Variants in LYZL1 observed in about 807,000 individuals in gnomAD.
The protein encoded by LYZL1 is lysozyme like 1.
LYZL1 carries 16 observed loss-of-function variants against 17.9 expected under a neutral mutation model. The observed-to-expected ratio is 0.90, with a 90% confidence interval of 0.61 to 1.36. LYZL1 has a LOEUF of 1.36. LYZL1 is among the 40% of genes most tolerant of loss of function. The pLI is 0.00. For missense variants in LYZL1, 149 were observed against 188.4 expected (o/e 0.79, Z 1.22); for synonymous variants, 58 against 71.8 (o/e 0.81, Z 0.97).
At chr10:29,306,852 G>C (rs1325635435) in intron 3 of LYZL1, among the ~76,000 whole-genome samples, 1 of 150,022 alleles carries the variant, frequency 6.7e-6, no homozygotes, top group South Asian at 2.1e-4. Context: ...GAGAGAGAGA[G>C]AGAGAGAGAG....
At chr10:29,294,700 C>G (rs948571518) in intron 3 of LYZL1, among the ~76,000 whole-genome samples, 5 of 152,176 alleles carry the variant, frequency 3.3e-5, no homozygotes, top group Admixed American at 2.6e-4. Context: ...TCTTTCAGAG[C>G]AGAAAATAAA....
intron 3 of LYZL1, among the ~76,000 whole-genome samples, chr10:29,301,187 A>G (rs1419362373): frequency 6.6e-6 from 1 of 152,112 alleles, no homozygotes; most frequent in Non-Finnish European, 1.5e-5. Flanking sequence ...ATGGTTTTAA[A>G]AACAGGTGTT....
intron 3 of LYZL1, among the ~76,000 whole-genome samples, chr10:29,305,190 A>C (rs1835574178): frequency 6.6e-6 from 1 of 152,236 alleles, no homozygotes; most frequent in Admixed American, 6.5e-5. Flanking sequence ...ACAGTGTCTC[A>C]GCATTTATCA....
At chr10:29,310,519 G>C (rs113692883) in intron 4 of LYZL1, among the ~76,000 whole-genome samples, 16 of 151,646 alleles carry the variant, frequency 1.1e-4, no homozygotes, top group African/African-American at 3.1e-4. Context: ...AAAAAAGCTT[G>C]AGTTTGTTCT....
chr10:29,300,608 T>A (rs538913523), intron 3 of LYZL1, among the ~76,000 whole-genome samples: 1 of 152,264 alleles, frequency 6.6e-6, no homozygotes, highest in South Asian at 2.1e-4. Flanking sequence ...TTTGGTGGAT[T>A]TATTTGGGGA....
chr10:29,310,829 C>T (rs992357899), intron 4 of LYZL1, among the ~76,000 whole-genome samples, 161 bp from the exon 5 acceptor site: 25 of 152,218 alleles, frequency 1.6e-4, no homozygotes, highest in Admixed American at 9.8e-4. Context: ...AGACAAAAGT[C>T]TGAACTAGGC....
intron 3 of LYZL1, among the ~76,000 whole-genome samples, chr10:29,300,574 A>G (rs549993769): frequency 6.6e-6 from 1 of 152,278 alleles, no homozygotes; most frequent in South Asian, 2.1e-4. Flanking sequence ...TTATGTATTT[A>G]CTATTTCCAA....
intron 1 of LYZL1, among the ~76,000 whole-genome samples, chr10:29,289,818 T>A (rs1388053473): frequency 6.6e-6 from 1 of 152,208 alleles, no homozygotes; most frequent in Non-Finnish European, 1.5e-5. Context: ...GGCCAGATAA[T>A]AATATGTTAG....
At chr10:29,306,247 AG>A (rs1460901760) in intron 3 of LYZL1, among the ~76,000 whole-genome samples, 1 of 152,188 alleles carries the variant, frequency 6.6e-6, no homozygotes, top group African/African-American at 2.4e-5. Flanking sequence ...TCTGAAATGT[AG>A]CTAGAAAAAA....
At chr10:29,293,980 A>C (rs1272774611) in intron 3 of LYZL1, among the ~76,000 whole-genome samples, 1 of 152,156 alleles carries the variant, frequency 6.6e-6, no homozygotes, top group Non-Finnish European at 1.5e-5. Context: ...TCTCAAAAAA[A>C]AAAAGAAAGA....
chr10:29,289,422 T>C (rs2768693), intron 1 of LYZL1, among the ~76,000 whole-genome samples, 192 bp downstream of exon 1: 37,699 of 148,402 alleles, frequency 0.25, 6,150 homozygotes, highest in East Asian at 0.59. Context: ...CTTTTCTTTT[T>C]TTTTTTTTTT....
intron 3 of LYZL1, among the ~76,000 whole-genome samples, chr10:29,309,354 C>CA (rs1278621037): frequency 1.3e-5 from 2 of 151,480 alleles, no homozygotes; most frequent in African/African-American, 4.9e-5. Flanking sequence ...AAAACAAAAA[C>CA]AAAACAAAAC....
intron 4 of LYZL1, chr10:29,318,038 A>C (rs955019811): frequency 2.1e-5 from 8 of 385,096 alleles, no homozygotes; most frequent in African/African-American, 1.3e-4. Context: ...ACCTGCAGAC[A>C]CTTTGAAAGG....
chr10:29,294,936 T>A (rs1485214600), intron 3 of LYZL1, among the ~76,000 whole-genome samples: 1 of 152,168 alleles, frequency 6.6e-6, no homozygotes, highest in Non-Finnish European at 1.5e-5. Flanking sequence ...TATACTGTAA[T>A]AAAAATATGT....
rs778807136 is a variant in LYZL1, at chr10:29,293,127, C to CTTTTTTTTTTTTTT, written c.298+456_298+457insTTTTTTTTTTTTTT. On this transcript the variant is annotated intron_variant, in intron 3 of 4. Coordinates refer to ENST00000649382, the MANE Select transcript of LYZL1 (RefSeq NM_032517.6). The stretch of plus-strand genomic sequence containing the variant: ...TCTTTCTTTTTTTTTCTTTTCTTTT[C>CTTTTTTTTTTTTTT]TTTTTTCTTTTTTTTTTTTTTTTGA... Among the ~76,000 whole-genome samples, 12 of 104,204 alleles carry CTTTTTTTTTTTTTT rather than the reference C, an allele frequency of 1.2e-4. 2 individuals are homozygous for CTTTTTTTTTTTTTT. The highest frequency in any genetic ancestry group is 3.3e-4 in the Admixed American group (3 of 9,050). The allele number at this position is 104,204 out of a possible 152,430, so 68.4% of individuals were successfully genotyped here. A position where few individuals can be genotyped will look rare whatever the true frequency, so the allele number is the denominator to read the frequency against.
chr10:29,307,419 A>C (rs1835610627), intron 3 of LYZL1, among the ~76,000 whole-genome samples: 1 of 152,206 alleles, frequency 6.6e-6, no homozygotes, highest in African/African-American at 2.4e-5. Context: ...CAGTTCATTC[A>C]TGCTGCTGCC....
At chr10:29,315,712 G>A (rs1835722266), downstream of LYZL1, among the ~76,000 whole-genome samples, 1 of 151,862 alleles carries the variant, frequency 6.6e-6, no homozygotes, top group Non-Finnish European at 1.5e-5. Context: ...AGCCGGGTGT[G>A]GTGGCCTGTG....
At chr10:29,308,688 G>A (rs1353721913) in intron 3 of LYZL1, among the ~76,000 whole-genome samples, 1 of 152,222 alleles carries the variant, frequency 6.6e-6, no homozygotes, top group African/African-American at 2.4e-5. Context: ...AAGTGGCCAG[G>A]CACAGTGCTG....
intron 3 of LYZL1, among the ~76,000 whole-genome samples, chr10:29,309,364 C>A (rs80215345): frequency 0.067 from 10,172 of 152,084 alleles, 392 homozygotes; most frequent in South Asian, 0.14. Flanking sequence ...CAAAACAAAA[C>A]AAAACCCTGG....
Sources: allele counts gnomAD v4.1 joint callset (sites outside exome capture counted in the v4.1 genomes callset), GRCh38; gene constraint gnomAD v4.1.1; transcripts MANE v1.5; gene names NCBI Gene and HGNC (gene_info 2026-07-23, HGNC 2026-07-21).